NPHP4: variants seen among roughly 807,000 people sequenced by gnomAD.
NPHP4 encodes nephrocystin 4, also known as nephrocystin-4.
NPHP4 carries 151 observed loss-of-function variants against 155.8 expected under a neutral mutation model. The ratio of observed to expected loss-of-function variants is 0.97; its 90% CI spans 0.85 to 1.11. The LOEUF is 1.11. Among genes scored for constraint, NPHP4 ranks in the 50% least tolerant of loss-of-function variants. The pLI is 0.00. For synonymous variants in NPHP4, 845 were observed against 816.8 expected, an observed-to-expected ratio of 1.03 and a Z score of -0.59; for missense variants, 1,956 against 1,925.7, an observed-to-expected ratio of 1.02 and a Z score of -0.29.
intron 3 of NPHP4, among the ~76,000 whole-genome samples, chr1:5,976,944 C>T (rs774209812): frequency 3.4e-4 from 52 of 152,106 alleles, no homozygotes; most frequent in Non-Finnish European, 6.2e-4. Context: ...TCTCAAAGGA[C>T]GGCCACTGTC....
chr1:5,952,135 A>G (rs1648204391), intron 7 of NPHP4, among the ~76,000 whole-genome samples: 1 of 152,160 alleles, frequency 6.6e-6, no homozygotes, highest in Admixed American at 6.5e-5. Flanking sequence ...ACCAGAACAC[A>G]ATGACCTGTG....
chr1:5,898,750 T>G lies in NPHP4; in HGVS notation c.2143+5867A>C, dbSNP rs112028696. On this transcript the variant is annotated intron_variant, in intron 16 of 29. Coordinates refer to ENST00000378156, the MANE Select transcript of NPHP4 (RefSeq NM_015102.5). ...TGGGAATTGGCTTGTCTAAATTTGG[T>G]GGGTATGGGGCCAGTGCTTTAAAAT... 3.2e-3 allele frequency among the ~76,000 whole-genome samples: 485 copies of G among 152,280 alleles called. 3 individuals carry two copies. The highest frequency in any genetic ancestry group is 0.011 in the African/African-American group (456 of 41,552).
intron 18 of NPHP4, chr1:5,881,874 C>G (rs1195940741): frequency 6.6e-6 from 1 of 152,254 alleles, no homozygotes; most frequent in Admixed American, 6.5e-5. Flanking sequence ...TAAGCTCTTT[C>G]AAAACTGAAG....
At chr1:5,920,860 T>C (rs1338677717) in intron 11 of NPHP4, among the ~76,000 whole-genome samples, 1 of 152,238 alleles carries the variant, frequency 6.6e-6, no homozygotes, top group Non-Finnish European at 1.5e-5. Context: ...TATATTTTAA[T>C]ATAATCTTAT....
At chr1:5,883,580 C>T (rs1012526567) in intron 18 of NPHP4, among the ~76,000 whole-genome samples, 1 of 152,218 alleles carries the variant, frequency 6.6e-6, no homozygotes, top group Non-Finnish European at 1.5e-5. Context: ...GAAGGAGGGG[C>T]CTCCCAGGCA....
At chr1:5,965,059 A>G (rs1651223028) in intron 5 of NPHP4, among the ~76,000 whole-genome samples, 1 of 150,098 alleles carries the variant, frequency 6.7e-6, no homozygotes, top group South Asian at 2.1e-4. Flanking sequence ...CAGCCTCCCA[A>G]GTAGCTATGA....
At chr1:5,945,872 A>G (rs1647061698) in intron 9 of NPHP4, among the ~76,000 whole-genome samples, 2 of 151,836 alleles carry the variant, frequency 1.3e-5, no homozygotes, top group South Asian at 4.2e-4. Context: ...ATTGCGTGCC[A>G]CTCTGAGCAG....
At chr1:5,911,147 A>C (rs1645160671) in intron 11 of NPHP4, among the ~76,000 whole-genome samples, 2 of 152,186 alleles carry the variant, frequency 1.3e-5, no homozygotes, top group Admixed American at 1.3e-4. Context: ...ATCTCACTAA[A>C]AGCAAAATGC....
chr1:5,879,960 C>T lies in NPHP4; in HGVS notation c.2611+154G>A, dbSNP rs761889456. 3.6e-4 allele frequency among the ~76,000 whole-genome samples: 55 copies of T among 151,774 alleles called. 1 individual carries two copies. The highest frequency in any genetic ancestry group is 6.5e-4 in the Non-Finnish European group (44 of 67,956). ...CCCACCTGCACATGGACAGCACAGT[C>T]CCGTCCTAGACGCAGAGGGGCACTG... On this transcript the variant is annotated intron_variant, in intron 19 of 29. Coordinates refer to ENST00000378156, the MANE Select transcript of NPHP4 (RefSeq NM_015102.5).
intron 9 of NPHP4, among the ~76,000 whole-genome samples, chr1:5,942,530 CA>C (rs71568632): frequency 0.1 from 2,048 of 19,650 alleles, 10 homozygotes; most frequent in African/African-American, 0.24. Flanking sequence ...GACTCCATCT[CA>C]AAAAAAAAAA....
chr1:5,915,893 T>C (rs547970563), intron 11 of NPHP4, among the ~76,000 whole-genome samples: 3 of 152,220 alleles, frequency 2.0e-5, no homozygotes, highest in African/African-American at 7.2e-5. Context: ...CACCATGTGA[T>C]TGACTGAACC....
chr1:5,981,309 T>C (rs780028505), intron 2 of NPHP4, among the ~76,000 whole-genome samples: 26 of 152,134 alleles, frequency 1.7e-4, no homozygotes, highest in Non-Finnish European at 2.5e-4. Context: ...TCCAGTCTAT[T>C]CAAATAAGAA....
chr1:5,887,390 T>C lies in NPHP4; in HGVS notation c.2381A>G (p.Asp794Gly), dbSNP rs767825341. The change falls in exon 18 of 30, where the codon GAC (aspartate) becomes GGC (glycine). Residue 794 changes from aspartate (D) to glycine (G), a missense_variant. Transcript: ENST00000378156. ...CATGTCTCCACTCACCACCATGTTGTCCTGCTCGTATTCAGTTGCCACGAC... is the reference window on the plus strand; with the variant it reads ...CATGTCTCCACTCACCACCATGTTGCCCTGCTCGTATTCAGTTGCCACGAC... ...LEVVATEYEQ[D>G]NMVVSGDMLG... The C allele has an allele frequency of 3.1e-6, 5 of 1,613,526 alleles. No homozygotes were observed. In the East Asian group the frequency reaches 8.9e-5, roughly 29 times the overall value.
At chr1:5,925,662 C>T (rs890426036) in intron 11 of NPHP4, among the ~76,000 whole-genome samples, 1 of 152,090 alleles carries the variant, frequency 6.6e-6, no homozygotes, top group African/African-American at 2.4e-5. Context: ...GTCGCCCAGG[C>T]TGGAGTGCAG....
chr1:5,873,927 TCA>T lies in NPHP4; in HGVS notation c.3231+542_3231+543del, dbSNP rs915786459. The T allele has an allele frequency of 6.7e-5, 14 of 209,728 alleles. No homozygotes were observed. The South Asian group carries it at 6.8e-4, about 10-fold the overall frequency. The allele number at this position is 209,728 out of a possible 1,614,324, so 13.0% of individuals were successfully genotyped here. ...CACGCACAACTCCTGCACGCGTGCC[TCA>T]CACACACCCTGCATACATGCCTCCT... On this transcript the variant is annotated intron_variant, in intron 22 of 29. Coordinates refer to ENST00000378156, the MANE Select transcript of NPHP4 (RefSeq NM_015102.5).
Position 5,949,475 on chromosome 1 carries a change from G to A in NPHP4, c.811-1224C>T, listed in dbSNP as rs536603076. 6.6e-5 allele frequency among the ~76,000 whole-genome samples: 10 copies of A among 152,048 alleles called. No homozygotes were observed. In the East Asian group the frequency reaches 1.5e-3, roughly 23 times the overall value. ...GCCAAACACCGTTCATGCACATCAC[G>A]TGTCATTGTAAACAAAACAAAGTCC... On this transcript the variant is annotated intron_variant, in intron 7 of 29. Transcript: ENST00000378156.
chr1:5,908,136 C>G (rs928501626), intron 12 of NPHP4, among the ~76,000 whole-genome samples: 3 of 152,184 alleles, frequency 2.0e-5, no homozygotes, highest in Admixed American at 2.0e-4. Flanking sequence ...TGAAGCATCC[C>G]CAGGGGACCC....
intron 18 of NPHP4, among the ~76,000 whole-genome samples, chr1:5,883,848 C>G (rs1286024741): frequency 6.6e-6 from 1 of 152,134 alleles, no homozygotes; most frequent in Non-Finnish European, 1.5e-5. Context: ...ACTAAGAGAC[C>G]AAGGAGAGTG....
chr1:5,868,338 G>T (rs1206766137), intron 23 of NPHP4: 1 of 284,892 alleles, frequency 3.5e-6, no homozygotes, highest in African/African-American at 2.2e-5. Flanking sequence ...CAAGCTCTTT[G>T]ATTCCAGATG....
Sources: gnomAD v4.1 joint callset for allele counts (sites outside exome capture counted in the v4.1 genomes callset) on GRCh38, gnomAD v4.1.1 for gene constraint, MANE v1.5 for transcripts, NCBI Gene and HGNC (gene_info 2026-07-23, HGNC 2026-07-21) for gene names.